TGFBR3: variants seen among roughly 807,000 people sequenced by gnomAD.
TGFBR3 encodes transforming growth factor beta receptor 3.
A neutral mutation model predicts 87.9 loss-of-function variants in TGFBR3; 46 were observed. That is an observed-to-expected ratio of 0.52 (90% CI 0.41 to 0.67). The LOEUF is 0.67. Ranked by LOEUF, TGFBR3 falls within the 30% of genes least tolerant of loss-of-function variation. TGFBR3 has a pLI of 0.00. For synonymous variants in TGFBR3, 381 were observed against 391.6 expected, an observed-to-expected ratio of 0.97 and a Z score of 0.32; for missense variants, 866 against 1,041.9, an observed-to-expected ratio of 0.83 and a Z score of 2.32.
intron 14 of TGFBR3, among the ~76,000 whole-genome samples, chr1:91,703,874 C>G (rs747386609): frequency 6.6e-6 from 1 of 152,190 alleles, no homozygotes; most frequent in East Asian, 1.9e-4. Context: ...CAGAACTTCT[C>G]CTGAACTTTA....
At chr1:91,817,352 A>T (rs1428641335) in intron 2 of TGFBR3, among the ~76,000 whole-genome samples, 1 of 152,256 alleles carries the variant, frequency 6.6e-6, no homozygotes, top group Non-Finnish European at 1.5e-5. Context: ...AATATATAAG[A>T]TGTAACCCCC....
chr1:91,813,383 C>A (rs1193524730), intron 2 of TGFBR3, among the ~76,000 whole-genome samples: 1 of 152,152 alleles, frequency 6.6e-6, no homozygotes, highest in African/African-American at 2.4e-5. Context: ...GAGAAAAAAA[C>A]AAATGTATAA....
intron 2 of TGFBR3, among the ~76,000 whole-genome samples, chr1:91,818,428 G>A (rs776605127): frequency 6.6e-6 from 1 of 151,796 alleles, no homozygotes; most frequent in South Asian, 2.1e-4. Context: ...AGTTGTGGCT[G>A]GAAACCAGCC....
intron 3 of TGFBR3, among the ~76,000 whole-genome samples, chr1:91,792,725 C>T (rs558496088): frequency 6.6e-6 from 1 of 152,278 alleles, no homozygotes; most frequent in South Asian, 2.1e-4. Flanking sequence ...ACTCGGGAGT[C>T]CGACACAAGG....
rs56335404 is a variant in TGFBR3 at position 91,767,887 on chromosome 1, GAA to G, written c.247-9139_247-9138del. ...TTTTGTATTTTCACATTGGATCACA[GAA>G]AAAAAAAAAAAAAGCCATGCTCTTT... On this transcript the variant is annotated intron_variant, in intron 3 of 16. Coordinates refer to ENST00000212355, the MANE Select transcript of TGFBR3 (RefSeq NM_003243.5). 6.5e-3 allele frequency among the ~76,000 whole-genome samples: 913 copies of G among 140,594 alleles called. 12 individuals carry two copies. The highest frequency in any genetic ancestry group is 0.02 in the African/African-American group (781 of 38,132). 92.2% of individuals were successfully genotyped at this position (140,594 alleles called of 152,430 possible).
At chr1:91,857,380 C>T (rs1677997441) in intron 2 of TGFBR3, among the ~76,000 whole-genome samples, 1 of 152,050 alleles carries the variant, frequency 6.6e-6, no homozygotes. Flanking sequence ...AAATTAAGCA[C>T]CTAAATGCCA....
chr1:91,772,703 T>A (rs1407740153), intron 3 of TGFBR3, among the ~76,000 whole-genome samples: 4 of 152,176 alleles, frequency 2.6e-5, no homozygotes, highest in African/African-American at 7.2e-5. Context: ...CTCTTATCTA[T>A]CCCTCTACTT....
chr1:91,758,476 G>A, intron 4 of TGFBR3, 137 bp downstream of exon 4: 2 of 1,036,044 alleles, frequency 1.9e-6, no homozygotes, highest in Admixed American at 3.5e-5. Context: ...ATCACTAAGT[G>A]CATCCTCCAA....
intron 3 of TGFBR3, among the ~76,000 whole-genome samples, chr1:91,764,916 C>T (rs746178196): frequency 3.3e-5 from 5 of 152,144 alleles, no homozygotes; most frequent in African/African-American, 4.8e-5. Flanking sequence ...TCTACCTCTG[C>T]CTCTGCCTGG....
chr1:91,768,236 C>T (rs533590162), intron 3 of TGFBR3, among the ~76,000 whole-genome samples: 3 of 147,754 alleles, frequency 2.0e-5, no homozygotes, highest in East Asian at 2.0e-4. Context: ...AAATAGAAGA[C>T]TTTGTGTCCA....
chr1:91,689,486 T>C (rs1358653519), intron 16 of TGFBR3, among the ~76,000 whole-genome samples: 2 of 152,120 alleles, frequency 1.3e-5, no homozygotes, highest in Admixed American at 6.5e-5. Flanking sequence ...AAAAAATCCA[T>C]TGAATAAGTT....
intron 2 of TGFBR3, among the ~76,000 whole-genome samples, chr1:91,828,790 T>C (rs898460836): frequency 4.4e-4 from 51 of 117,170 alleles, no homozygotes; most frequent in Non-Finnish European, 6.2e-4. Flanking sequence ...TTACTGTCAC[T>C]GCAGTTCCAG....
At chr1:91,889,880 C>T (rs61779069), upstream of TGFBR3, among the ~76,000 whole-genome samples, 500 of 151,908 alleles carry the variant, frequency 3.3e-3, 3 homozygotes, top group Admixed American at 5.6e-3. Context: ...AGGGTTTTGC[C>T]ATAACTCCTG....
chr1:91,711,706 T>C (rs1319929122), intron 13 of TGFBR3, among the ~76,000 whole-genome samples: 1 of 152,210 alleles, frequency 6.6e-6, no homozygotes, highest in African/African-American at 2.4e-5. Context: ...TTCTGCTTTT[T>C]GTTATGGCAA....
chr1:91,884,089 A>G (rs1188087535), intron 1 of TGFBR3, among the ~76,000 whole-genome samples: 1 of 152,150 alleles, frequency 6.6e-6, no homozygotes, highest in African/African-American at 2.4e-5. Flanking sequence ...TGGGAGGCCG[A>G]GGCAGGTGGA....
chr1:91,723,781 G>A (rs981798183), intron 7 of TGFBR3, among the ~76,000 whole-genome samples: 10 of 152,092 alleles, frequency 6.6e-5, no homozygotes, highest in African/African-American at 1.7e-4. Flanking sequence ...CACCATTTTC[G>A]TGCTGTATAA....
chr1:91,841,795 A>G (rs1363231366), intron 2 of TGFBR3, among the ~76,000 whole-genome samples: 1 of 66,652 alleles, frequency 1.5e-5, no homozygotes, highest in Non-Finnish European at 3.5e-5. Flanking sequence ...CTCCATCTCA[A>G]AAAAAAAAAA....
At chr1:91,882,728 G>C (rs1004820317) in intron 1 of TGFBR3, among the ~76,000 whole-genome samples, 1 of 152,110 alleles carries the variant, frequency 6.6e-6, no homozygotes, top group Non-Finnish European at 1.5e-5. Context: ...CCGGGCGACA[G>C]AGCGAGAGAC....
intron 2 of TGFBR3, among the ~76,000 whole-genome samples, chr1:91,860,582 C>T (rs987590429): frequency 1.3e-5 from 2 of 152,130 alleles, no homozygotes; most frequent in South Asian, 4.1e-4. Context: ...CTTAGTTAAG[C>T]AACAATGTTC....
Sources: allele counts gnomAD v4.1 joint callset (sites outside exome capture counted in the v4.1 genomes callset), GRCh38; gene constraint gnomAD v4.1.1; transcripts MANE v1.5; gene names NCBI Gene and HGNC (gene_info 2026-07-23, HGNC 2026-07-21).